Variants in LIMS1 observed in about 807,000 individuals in gnomAD.
LIMS1 encodes LIM zinc finger domain containing 1.
Under a neutral mutation model 44.1 loss-of-function variants are expected in LIMS1, and 18 were observed. The observed-to-expected ratio is 0.41, with a 90% CI of 0.28 to 0.61. LIMS1 has a LOEUF of 0.61. Among genes scored for constraint, LIMS1 ranks in the 20% least tolerant of loss-of-function variants. The pLI is 0.32. For missense variants in LIMS1, 201 were observed against 422.0 expected, an observed-to-expected ratio of 0.48 and a Z score of 4.59; for synonymous variants, 93 against 149.1, an observed-to-expected ratio of 0.62 and a Z score of 2.74.
At chr2:108,539,541 T>C (rs1373788819) in intron 1 of LIMS1, among the ~76,000 whole-genome samples, 1 of 152,316 alleles carries the variant, frequency 6.6e-6, no homozygotes, top group African/African-American at 2.4e-5. Flanking sequence ...TAATCCCACC[T>C]GTCTCAGAGG....
intron 1 of LIMS1, among the ~76,000 whole-genome samples, chr2:108,637,141 G>GTGTA (rs1186041451): frequency 3.4e-5 from 5 of 146,300 alleles, no homozygotes; most frequent in African/African-American, 1.2e-4. Context: ...GTGTGTGTGT[G>GTGTA]TGTGTATTTT....
exon 4 of LIMS1, chr2:108,672,388 G>A (rs1230294736): frequency 6.7e-6 from 8 of 1,201,192 alleles, no homozygotes; most frequent in South Asian, 1.4e-5. Flanking sequence ...GAGTGCTTCC[G>A]CTGTGACCTC....
rs1049499262 is a variant in LIMS1 at position 108,664,132 on chromosome 2, A to G, written c.192+4368A>G. 6.6e-4 allele frequency among the ~76,000 whole-genome samples: 100 copies of G among 152,278 alleles called. 1 individual carries two copies. The highest frequency in any genetic ancestry group is 2.2e-3 in the African/African-American group (93 of 41,570). ...GTTTCTTCACTCATTTACTCTGATT[A>G]TTCAGGAAGGCAGAAACTGAAATGG... is the stretch of plus-strand genomic sequence containing the variant. On this transcript the variant is annotated intron_variant, in intron 2 of 9. Transcript: ENST00000544547.
At chr2:108,579,644 C>T (rs904870452) in intron 1 of LIMS1, among the ~76,000 whole-genome samples, 1 of 152,222 alleles carries the variant, frequency 6.6e-6, no homozygotes, top group African/African-American at 2.4e-5. Context: ...CCTGAATACT[C>T]ATTTGAAGTG....
At chr2:108,672,921 G>C in exon 5 of LIMS1, 4 of 945,120 alleles carry the variant, frequency 4.2e-6, no homozygotes, top group Non-Finnish European at 6.2e-6. Context: ...AAAGCCAGAG[G>C]CCTTGGGAAA....
chr2:108,572,636 G>A (rs1414820811), intron 1 of LIMS1, among the ~76,000 whole-genome samples: 5 of 152,060 alleles, frequency 3.3e-5, no homozygotes, highest in Non-Finnish European at 5.9e-5. Context: ...CACCCGCCTC[G>A]GCCTCCCAAA....
At chr2:108,624,495 G>A (rs536550957) in intron 1 of LIMS1, among the ~76,000 whole-genome samples, 3 of 152,324 alleles carry the variant, frequency 2.0e-5, no homozygotes, top group South Asian at 2.1e-4. Context: ...AGTGGCTGAC[G>A]CCTATAATCC....
At chr2:108,585,842 G>C (rs1686079257) in intron 1 of LIMS1, among the ~76,000 whole-genome samples, 1 of 152,262 alleles carries the variant, frequency 6.6e-6, no homozygotes, top group South Asian at 2.1e-4. Context: ...GACTGTAAGA[G>C]GTGTTTCCAG....
chr2:108,557,294 C>G (rs1448690981), intron 1 of LIMS1, among the ~76,000 whole-genome samples: 1 of 152,090 alleles, frequency 6.6e-6, no homozygotes, highest in Non-Finnish European at 1.5e-5. Context: ...CCAGACTGGT[C>G]TTGAACTCCT....
At chr2:108,647,328 C>T (rs1292553872) in intron 1 of LIMS1, among the ~76,000 whole-genome samples, 2 of 152,080 alleles carry the variant, frequency 1.3e-5, no homozygotes, top group Non-Finnish European at 2.9e-5. Flanking sequence ...AAGTAATAGC[C>T]TACCAACCAA....
At chr2:108,603,407 C>G (rs1315126131) in intron 1 of LIMS1, among the ~76,000 whole-genome samples, 1 of 150,958 alleles carries the variant, frequency 6.6e-6, no homozygotes, top group Non-Finnish European at 1.5e-5. Context: ...CTAGATTTTC[C>G]GATTTATTGG....
chr2:108,592,948 GT>G (rs1013387371), intron 1 of LIMS1, among the ~76,000 whole-genome samples: 1 of 152,160 alleles, frequency 6.6e-6, no homozygotes, highest in Non-Finnish European at 1.5e-5. Flanking sequence ...CACTTGGGTT[GT>G]TTCCATACCT....
intron 1 of LIMS1, among the ~76,000 whole-genome samples, chr2:108,569,665 T>C (rs2104628336): frequency 6.6e-6 from 1 of 151,982 alleles, no homozygotes; most frequent in East Asian, 2.0e-4. Flanking sequence ...GGTATAATCC[T>C]ACTTCACTAT....
intron 1 of LIMS1, among the ~76,000 whole-genome samples, chr2:108,623,676 A>G (rs567508901): frequency 1.5e-4 from 23 of 152,306 alleles, no homozygotes; most frequent in African/African-American, 5.3e-4. Flanking sequence ...TCCATGAACA[A>G]TTATTTGATT....
At chr2:108,684,235 T>TA in exon 10 of LIMS1, 2 of 215,782 alleles carry the variant, frequency 9.3e-6, no homozygotes. Context: ...GTAGACTGTT[T>TA]ACAAAAAAAA....
chr2:108,574,736 G>A (rs186623298), intron 1 of LIMS1, among the ~76,000 whole-genome samples: 23 of 152,252 alleles, frequency 1.5e-4, no homozygotes, highest in Admixed American at 1.2e-3. Flanking sequence ...CATCATTCCC[G>A]GTAAACCAGA....
chr2:108,615,903 G>T (rs999027015), intron 1 of LIMS1, among the ~76,000 whole-genome samples: 3 of 152,152 alleles, frequency 2.0e-5, no homozygotes, highest in Non-Finnish European at 2.9e-5. Context: ...GGTAGTCACA[G>T]CAAGGGAGTT....
At chr2:108,637,246 G>C (rs1463083009) in intron 1 of LIMS1, among the ~76,000 whole-genome samples, 1 of 151,772 alleles carries the variant, frequency 6.6e-6, no homozygotes, top group African/African-American at 2.4e-5. Context: ...GAAAATAACG[G>C]GCAGTGAAAG....
intron 1 of LIMS1, among the ~76,000 whole-genome samples, chr2:108,620,949 A>T (rs1688201046): frequency 6.6e-6 from 1 of 152,184 alleles, no homozygotes; most frequent in Admixed American, 6.5e-5. Flanking sequence ...TTTCCTGGCA[A>T]ATAAAACAGC....
Sources: allele counts gnomAD v4.1 joint callset (sites outside exome capture counted in the v4.1 genomes callset), GRCh38; gene constraint gnomAD v4.1.1; transcripts MANE v1.5; gene names NCBI Gene and HGNC (gene_info 2026-07-23, HGNC 2026-07-21).